The following MACROD2 variants were observed in gnomAD, a reference collection of about 807,000 sequenced individuals.
The protein encoded by MACROD2 is mono-ADP ribosylhydrolase 2.
In MACROD2, 36 loss-of-function variants were observed where a neutral mutation model predicts 70.4. That is an observed-to-expected ratio of 0.51 (90% CI 0.39 to 0.68). The LOEUF is 0.68. Ranked by LOEUF, MACROD2 falls within the 30% of genes least tolerant of loss-of-function variation. The pLI is 0.00. For synonymous variants in MACROD2, 172 were observed against 178.8 expected (o/e 0.96, Z 0.30); for missense variants, 496 against 538.4 (o/e 0.92, Z 0.78).
At chr20:15,483,360 CTATATT>C (rs1405237200) in intron 7 of MACROD2, among the ~76,000 whole-genome samples, 1 of 152,130 alleles carries the variant, frequency 6.6e-6, no homozygotes, top group Non-Finnish European at 1.5e-5. Context: ...GATTAGTTGA[CTATATT>C]TACGAGGGTC....
At chr20:15,296,976 C>T (rs192564690) in intron 6 of MACROD2, among the ~76,000 whole-genome samples, 3 of 152,242 alleles carry the variant, frequency 2.0e-5, no homozygotes, top group African/African-American at 7.2e-5. Flanking sequence ...TTTTTCCCAG[C>T]GTAGTAAATT....
intron 5 of MACROD2, among the ~76,000 whole-genome samples, chr20:14,854,682 C>A (rs961468210): frequency 6.6e-6 from 1 of 152,092 alleles, no homozygotes; most frequent in Non-Finnish European, 1.5e-5. Context: ...ATGCAGGTTT[C>A]GTGGGGACTA....
intron 2 of MACROD2, among the ~76,000 whole-genome samples, chr20:14,022,199 T>A (rs1271436507): frequency 3.9e-5 from 6 of 152,202 alleles, no homozygotes; most frequent in Non-Finnish European, 8.8e-5. Context: ...GATACACATT[T>A]TATATTCCAT....
chr20:14,388,525 T>A (rs1455233654), intron 3 of MACROD2, among the ~76,000 whole-genome samples: 1 of 152,218 alleles, frequency 6.6e-6, no homozygotes, highest in Non-Finnish European at 1.5e-5. Flanking sequence ...CATTATATAC[T>A]GTATCGTTGC....
At chr20:15,944,458 T>A (rs909814776) in intron 12 of MACROD2, among the ~76,000 whole-genome samples, 1 of 152,090 alleles carries the variant, frequency 6.6e-6, no homozygotes, top group Non-Finnish European at 1.5e-5. Flanking sequence ...TTTGAACCTG[T>A]CTTTCAAATA....
chr20:14,679,359 A>G (rs993552743), intron 4 of MACROD2, among the ~76,000 whole-genome samples: 1 of 152,192 alleles, frequency 6.6e-6, no homozygotes, highest in African/African-American at 2.4e-5. Context: ...AAAGGACGTC[A>G]TGGTGCCTTT....
At chr20:14,189,795 G>T (rs560827214) in intron 3 of MACROD2, among the ~76,000 whole-genome samples, 309 of 152,284 alleles carry the variant, frequency 2.0e-3, no homozygotes, top group South Asian at 3.5e-3. Flanking sequence ...GTGGGTTTAG[G>T]ATTCTTATAT....
chr20:15,882,482 T>C (rs1053671323), intron 9 of MACROD2, among the ~76,000 whole-genome samples: 2 of 152,046 alleles, frequency 1.3e-5, no homozygotes, highest in African/African-American at 2.4e-5. Context: ...CTGCAATAGA[T>C]AATGAGATTT....
chr20:14,297,335 T>C (rs1321325814), intron 3 of MACROD2, among the ~76,000 whole-genome samples: 2 of 151,970 alleles, frequency 1.3e-5, no homozygotes, highest in Non-Finnish European at 1.5e-5. Context: ...GAGAAAGCCA[T>C]GTCAAAAGCC....
At chr20:14,384,371 A>G (rs2083450905) in intron 3 of MACROD2, among the ~76,000 whole-genome samples, 2 of 152,150 alleles carry the variant, frequency 1.3e-5, no homozygotes, top group Non-Finnish European at 2.9e-5. Context: ...GAAAATCAAC[A>G]CTTTTAAAAT....
chr20:14,027,024 G>A (rs2053177876), intron 2 of MACROD2, among the ~76,000 whole-genome samples: 1 of 152,198 alleles, frequency 6.6e-6, no homozygotes, highest in Admixed American at 6.5e-5. Context: ...CCCAGCAGGG[G>A]TCGACAGACA....
intron 3 of MACROD2, among the ~76,000 whole-genome samples, chr20:14,312,690 T>G (rs1378575380): frequency 6.6e-6 from 1 of 152,228 alleles, no homozygotes; most frequent in Non-Finnish European, 1.5e-5. Flanking sequence ...TATGTATTAA[T>G]GTGTCAGGCA....
intron 12 of MACROD2, among the ~76,000 whole-genome samples, chr20:15,950,805 G>T (rs1442585061): frequency 3.9e-5 from 6 of 152,076 alleles, no homozygotes; most frequent in Non-Finnish European, 8.8e-5. Flanking sequence ...AAGTTAAGTG[G>T]TTTTTCTGTA....
intron 5 of MACROD2, among the ~76,000 whole-genome samples, chr20:14,796,316 T>C (rs2072509389): frequency 6.6e-6 from 1 of 152,006 alleles, no homozygotes; most frequent in Non-Finnish European, 1.5e-5. Flanking sequence ...TCGCTGAAAA[T>C]GATGACCAAG....
chr20:15,145,164 A>C (rs1332583866), intron 5 of MACROD2, among the ~76,000 whole-genome samples: 1 of 152,164 alleles, frequency 6.6e-6, no homozygotes, highest in Non-Finnish European at 1.5e-5. Flanking sequence ...GCAACAAGGA[A>C]ATTCTCACAC....
chr20:15,137,260 G>A (rs1026705119), intron 5 of MACROD2, among the ~76,000 whole-genome samples: 39 of 151,878 alleles, frequency 2.6e-4, no homozygotes, highest in Middle Eastern at 3.4e-3. Flanking sequence ...ACATGCACAC[G>A]TATGTTTATT....
At chr20:15,258,135 T>C (rs1237226509) in intron 6 of MACROD2, among the ~76,000 whole-genome samples, 1 of 152,116 alleles carries the variant, frequency 6.6e-6, no homozygotes, top group East Asian at 1.9e-4. Context: ...CTTTGTGTTT[T>C]AAGCTATTAT....
chr20:15,527,783 G>A (rs1374597908), intron 8 of MACROD2, among the ~76,000 whole-genome samples: 1 of 152,190 alleles, frequency 6.6e-6, no homozygotes, highest in Non-Finnish European at 1.5e-5. Flanking sequence ...CATGAGGCCA[G>A]GAAAGGGATT....
At chr20:15,671,617 T>C (rs149396528) in intron 8 of MACROD2, among the ~76,000 whole-genome samples, 49 of 152,358 alleles carry the variant, frequency 3.2e-4, no homozygotes, top group African/African-American at 1.1e-3. Context: ...CCAGCTTTAG[T>C]ATCCTGTGAC....
Sources: gnomAD v4.1 joint callset for allele counts (sites outside exome capture counted in the v4.1 genomes callset) on GRCh38, gnomAD v4.1.1 for gene constraint, MANE v1.5 for transcripts, NCBI Gene and HGNC (gene_info 2026-07-23, HGNC 2026-07-21) for gene names.